FNBP1: variants seen among roughly 807,000 people sequenced by gnomAD.
FNBP1 encodes formin binding protein 1.
Under a neutral mutation model 90.6 loss-of-function variants are expected in FNBP1, and 26 were observed. The observed-to-expected ratio is 0.29, with a 90% CI of 0.21 to 0.40. The LOEUF (loss-of-function observed/expected upper bound fraction) is 0.40. FNBP1 is among the 10% of genes least tolerant of loss of function. The pLI is 1.00. For synonymous variants in FNBP1, 260 were observed against 265.2 expected (o/e 0.98, Z 0.19); for missense variants, 635 against 768.0 (o/e 0.83, Z 2.05).
intron 15 of FNBP1, among the ~76,000 whole-genome samples, chr9:129,899,138 C>G (rs916306281): frequency 1.3e-5 from 2 of 150,466 alleles, no homozygotes; most frequent in South Asian, 4.2e-4. Flanking sequence ...AGTACAGTGG[C>G]GCTATCTCAG....
At chr9:130,040,537 T>C (rs1355643213) in intron 1 of FNBP1, among the ~76,000 whole-genome samples, 1 of 151,280 alleles carries the variant, frequency 6.6e-6, no homozygotes. Flanking sequence ...AGGAGAATCG[T>C]TTGAACCTGG....
At chr9:129,977,960 C>G (rs1009546639) in intron 4 of FNBP1, among the ~76,000 whole-genome samples, 2 of 151,904 alleles carry the variant, frequency 1.3e-5, no homozygotes, top group African/African-American at 4.8e-5. Flanking sequence ...CTGAAGGACC[C>G]TTGACATTTT....
intron 8 of FNBP1, among the ~76,000 whole-genome samples, chr9:129,926,765 A>T (rs2041982353): frequency 6.6e-6 from 1 of 151,864 alleles, no homozygotes; most frequent in Non-Finnish European, 1.5e-5. Context: ...GGGCGCCTGT[A>T]GTCCCAGCTA....
In FNBP1 at chr9:130,030,918, CAG is replaced by C. The variant is rs1296930403; in HGVS notation, c.24+12032_24+12033del. ...CAAGGTTGTATCATCTGAGCAGAGA[CAG>C]AGAGGACAAGAATAAAGTGCTGGTA... On this transcript the variant is annotated intron_variant, in intron 1 of 16. Coordinates refer to ENST00000446176, the MANE Select transcript of FNBP1 (RefSeq NM_015033.3). Among the ~76,000 whole-genome samples the C allele has an allele frequency of 1.1e-3, 171 of 152,262 alleles. 2 individuals carry two copies. The highest frequency in any genetic ancestry group is 2.9e-4 in the Non-Finnish European group (20 of 68,012).
At chr9:129,930,297 A>G (rs2042546617) in intron 6 of FNBP1, among the ~76,000 whole-genome samples, 1 of 152,110 alleles carries the variant, frequency 6.6e-6, no homozygotes, top group East Asian at 1.9e-4. Context: ...TCCTTGACTC[A>G]AGCAATCCAC....
chr9:130,047,119 G>A (rs985734474), upstream of FNBP1, among the ~76,000 whole-genome samples: 1 of 152,068 alleles, frequency 6.6e-6, no homozygotes, highest in African/African-American at 2.4e-5. Context: ...GAAGTGCGAG[G>A]CTGCAGTGGG....
chr9:129,983,320 T>A (rs1440674913), intron 2 of FNBP1, among the ~76,000 whole-genome samples: 1 of 152,194 alleles, frequency 6.6e-6, no homozygotes, highest in African/African-American at 2.4e-5. Flanking sequence ...CTGGCATATA[T>A]AGCATTCAAA....
rs74673615 is a variant in FNBP1 at position 130,041,113 on chromosome 9, A to T, written c.24+1839T>A. 0.022 allele frequency among the ~76,000 whole-genome samples: 3,394 copies of T among 151,224 alleles called. 131 individuals are homozygous for T. The highest frequency in any genetic ancestry group is 0.077 in the African/African-American group (3,155 of 41,168). On this transcript the variant is annotated intron_variant, in intron 1 of 16. Transcript: ENST00000446176. This position sits in a 1 kb window ranked among gnomAD's most constrained non-coding sequence, Gnocchi z 4.3. ...CAGCCTCCCAAGGTGCTGGCAATAT[A>T]GGCCTGAGCCACTGCGCCCGGCCTC...
intron 6 of FNBP1, among the ~76,000 whole-genome samples, chr9:129,942,192 A>G (rs1275115900): frequency 6.6e-6 from 1 of 152,244 alleles, no homozygotes; most frequent in Non-Finnish European, 1.5e-5. Flanking sequence ...AAGACATTTC[A>G]AACAAATAAA....
chr9:129,929,848 AATTG>A (rs1218863109), intron 6 of FNBP1, among the ~76,000 whole-genome samples, 153 bp from the exon 7 acceptor site: 5 of 152,142 alleles, frequency 3.3e-5, no homozygotes, highest in Admixed American at 3.3e-4. Context: ...TTCTGAATTG[AATTG>A]ACTTTAGGTA....
At chr9:130,006,499 G>GAAACA (rs2055720731) in intron 1 of FNBP1, among the ~76,000 whole-genome samples, 2 of 149,652 alleles carry the variant, frequency 1.3e-5, no homozygotes, top group African/African-American at 4.9e-5. Context: ...GTCTCAAAAA[G>GAAACA]AAACAAAACA....
chr9:129,968,622 A>G (rs997940301), intron 4 of FNBP1, among the ~76,000 whole-genome samples: 2 of 152,176 alleles, frequency 1.3e-5, no homozygotes, highest in African/African-American at 4.8e-5. Flanking sequence ...GACCTATTGA[A>G]TATCTAACTT....
intron 4 of FNBP1, among the ~76,000 whole-genome samples, chr9:129,967,463 C>T (rs2048793880): frequency 6.6e-6 from 1 of 152,022 alleles, no homozygotes; most frequent in South Asian, 2.1e-4. Flanking sequence ...TGCAGAGAGC[C>T]GAGATAGCGC....
At chr9:129,906,484 T>C (rs932912400) in intron 12 of FNBP1, among the ~76,000 whole-genome samples, 1 of 152,104 alleles carries the variant, frequency 6.6e-6, no homozygotes, top group African/African-American at 2.4e-5. Flanking sequence ...TAGTGAGTCT[T>C]ATGAGCTCCA....
chr9:129,910,180 C>G, intron 11 of FNBP1: 1 of 456,084 alleles, frequency 2.2e-6, no homozygotes, highest in Non-Finnish European at 4.4e-6. Flanking sequence ...AGGCTATGTT[C>G]ATAAAGAGAG....
chr9:129,983,609 G>C (rs1012210077), intron 2 of FNBP1, among the ~76,000 whole-genome samples: 2 of 152,038 alleles, frequency 1.3e-5, no homozygotes, highest in Non-Finnish European at 2.9e-5. Context: ...TCGGGAGTTC[G>C]AGACCAGCCT....
At chr9:130,021,696 A>G (rs1160874510) in intron 1 of FNBP1, among the ~76,000 whole-genome samples, 2 of 152,240 alleles carry the variant, frequency 1.3e-5, no homozygotes, top group Admixed American at 6.5e-5. Flanking sequence ...AAAAAAACAC[A>G]GCAATCTTTC....
chr9:129,993,925 C>G (rs1019978424), intron 2 of FNBP1, among the ~76,000 whole-genome samples: 1 of 152,130 alleles, frequency 6.6e-6, no homozygotes, highest in African/African-American at 2.4e-5. Flanking sequence ...GCGCCCGGCC[C>G]GAAGTACTTT....
At chr9:130,029,042 T>G (rs2058588328) in intron 1 of FNBP1, among the ~76,000 whole-genome samples, 1 of 152,252 alleles carries the variant, frequency 6.6e-6, no homozygotes, top group Non-Finnish European at 1.5e-5. Flanking sequence ...TCTGACACAC[T>G]GTAAATACAG....
Sources: gnomAD v4.1 joint callset for allele counts (sites outside exome capture counted in the v4.1 genomes callset) on GRCh38, gnomAD v4.1.1 for gene constraint, Gnocchi (gnomAD v3.1) non-coding constraint, MANE v1.5 for transcripts, NCBI Gene and HGNC (gene_info 2026-07-23, HGNC 2026-07-21) for gene names.